Variants in ST3GAL2 observed in about 807,000 individuals in gnomAD.
ST3GAL2 encodes ST3 beta-galactoside alpha-2,3-sialyltransferase 2, also known as CMP-N-acetylneuraminate-beta-galactosamide-alpha-2,3-sialyltransferase 2.
In ST3GAL2, 16 loss-of-function variants were observed where a neutral mutation model predicts 37.5. The observed-to-expected ratio is 0.43, with a 90% CI of 0.29 to 0.65. The LOEUF (loss-of-function observed/expected upper bound fraction) is 0.65. Ranked by LOEUF, ST3GAL2 falls within the 30% of genes least tolerant of loss-of-function variation. ST3GAL2 has a pLI of 0.17. For synonymous variants in ST3GAL2, 238 were observed against 202.9 expected (o/e 1.17, Z -1.47); for missense variants, 383 against 487.8 (o/e 0.79, Z 2.02).
chr16:70,427,713 A>G (rs2047761442), intron 1 of ST3GAL2, among the ~76,000 whole-genome samples: 1 of 152,180 alleles, frequency 6.6e-6, no homozygotes, highest in African/African-American at 2.4e-5. Context: ...TGTAAGAGTC[A>G]TATGTGAGCC....
In ST3GAL2 at chr16:70,429,588, C is replaced by CAAAAAAAAAAAAAAAA. The variant is rs1173306093; in HGVS notation, c.-1004+9345_-1004+9360dup. ...TGGGCAACAGAGCAAGACTCTGTCT[C>CAAAAAAAAAAAAAAAA]AAAAAAAAAAAAAAAAAAAAGAGTG... is the stretch of plus-strand genomic sequence containing the variant. On this transcript the variant is annotated intron_variant, in intron 1 of 6. Coordinates refer to ENST00000342907, the MANE Select transcript of ST3GAL2 (RefSeq NM_006927.4). Among the ~76,000 whole-genome samples the CAAAAAAAAAAAAAAAA allele has an allele frequency of 7.5e-4, 27 of 36,060 alleles. 3 individuals are homozygous for CAAAAAAAAAAAAAAAA. Among genetic ancestry groups the CAAAAAAAAAAAAAAAA allele is most frequent in the African/African-American group, 2.5e-3 (26 of 10,402 alleles). The allele number at this position is 36,060 out of a possible 152,430, so 23.7% of individuals were successfully genotyped here.
At chr16:70,383,356 G>C in intron 4 of ST3GAL2, 121 bp from the exon 5 acceptor site, 1 of 871,820 alleles carries the variant, frequency 1.1e-6, no homozygotes, top group Non-Finnish European at 1.7e-6. Flanking sequence ...TTCGAGGCCA[G>C]CCGGATCACC....
At chr16:70,420,081 A>C (rs1221485663) in intron 1 of ST3GAL2, among the ~76,000 whole-genome samples, 5 of 142,658 alleles carry the variant, frequency 3.5e-5, no homozygotes, top group African/African-American at 1.3e-4. Context: ...AGCTAGAGTG[A>C]AATGGCATGA....
intron 1 of ST3GAL2, among the ~76,000 whole-genome samples, chr16:70,412,138 A>C (rs1046779072): frequency 1.3e-5 from 2 of 152,186 alleles, no homozygotes; most frequent in Admixed American, 1.3e-4. Context: ...CTTTCAGCAA[A>C]GGTCTGTAGG....
chr16:70,407,202 G>C (rs931212294), intron 1 of ST3GAL2, among the ~76,000 whole-genome samples: 1 of 150,564 alleles, frequency 6.6e-6, no homozygotes, highest in Non-Finnish European at 1.5e-5. Context: ...GTGCAGTGGC[G>C]CAATATTGGC....
In ST3GAL2 at chr16:70,381,599, C is replaced by T. The variant is rs993945430; in HGVS notation, c.*90G>A. 3 of 1,492,224 alleles carry T rather than the reference C, an allele frequency of 2.0e-6. No individual in the cohort carries two copies. Among genetic ancestry groups the T allele is most frequent in the African/African-American group, 2.8e-5 (2 of 72,312 alleles). The allele number at this position is 1,492,224 out of a possible 1,614,324, so 92.4% of individuals were successfully genotyped here. A position where few individuals can be genotyped will look rare whatever the true frequency, so the allele number is the denominator to read the frequency against. On this transcript the variant is annotated 3_prime_UTR_variant, in exon 7 of 7. Coordinates refer to ENST00000342907, the MANE Select transcript of ST3GAL2 (RefSeq NM_006927.4). ...CACAGCAGACGCCCCTGGGCTGCAG[C>T]ATGATTGGTCGCGGGTTGCTGGTCC...
At chr16:70,401,401 G>T (rs945685309) in intron 1 of ST3GAL2, among the ~76,000 whole-genome samples, 3 of 150,650 alleles carry the variant, frequency 2.0e-5, no homozygotes, top group African/African-American at 7.5e-5. Context: ...GTAGAGGAAA[G>T]AGCAGAGAAG....
intron 3 of ST3GAL2, among the ~76,000 whole-genome samples, chr16:70,391,309 C>G (rs2047480754): frequency 6.6e-6 from 1 of 152,204 alleles, no homozygotes; most frequent in Admixed American, 6.5e-5. Flanking sequence ...TAGCTGGCTT[C>G]AAGCAGATGC....
At chr16:70,389,565 A>G (rs1465479144) in intron 3 of ST3GAL2, among the ~76,000 whole-genome samples, 1 of 150,082 alleles carries the variant, frequency 6.7e-6, no homozygotes, top group Non-Finnish European at 1.5e-5. Context: ...CCTGGGTTCA[A>G]GGGATTCTCC....
At chr16:70,412,600 C>T (rs905123917) in intron 1 of ST3GAL2, among the ~76,000 whole-genome samples, 2 of 152,178 alleles carry the variant, frequency 1.3e-5, no homozygotes, top group Non-Finnish European at 2.9e-5. Flanking sequence ...ACCGTGATTA[C>T]GCCACTGCCG....
intron 1 of ST3GAL2, among the ~76,000 whole-genome samples, chr16:70,421,663 G>A (rs2047715607): frequency 6.6e-6 from 1 of 152,140 alleles, no homozygotes; most frequent in South Asian, 2.1e-4. Flanking sequence ...TGAGGAGGTG[G>A]GGCCCAGGGC....
rs1447303449 is a variant in ST3GAL2 at position 70,381,249 on chromosome 16, C to T, written c.*440G>A. 1 of 165,434 alleles carries T rather than the reference C, an allele frequency of 6.0e-6. No homozygotes were observed. The highest frequency in any genetic ancestry group is 2.4e-5 in the African/African-American group (1 of 41,610). The allele number at this position is 165,434 out of a possible 1,614,324, so 10.2% of individuals were successfully genotyped here. Reference sequence around the variant, plus strand: ...GGGCGGCCACCTATCTCCTGAGGCCCGCAAAGACCGCCCGCTCTCCTCCAG... The same window carrying T: ...GGGCGGCCACCTATCTCCTGAGGCCTGCAAAGACCGCCCGCTCTCCTCCAG... On this transcript the variant is annotated 3_prime_UTR_variant, in exon 7 of 7. Transcript: ENST00000342907.
At chr16:70,403,134 CAGGTGGTGG>C (rs112488251) in intron 1 of ST3GAL2, among the ~76,000 whole-genome samples, 13,127 of 151,950 alleles carry the variant, frequency 0.086, 1,879 homozygotes, top group African/African-American at 0.3. Context: ...TGCAATATCC[CAGGTGGTGG>C]AGGTGGTGAG....
At position 70,381,490 on chromosome 16, in the gene ST3GAL2, G is replaced by A. The variant is rs1597552449; in HGVS notation, c.*199C>T. ...AAGTTTTCCTTGAGTCACATGATTG[G>A]CTGGGAGAAACAGAAGCTCCGCCCG... On this transcript the variant is annotated 3_prime_UTR_variant, in exon 7 of 7. Transcript: ENST00000342907. 1.6e-6 allele frequency: 1 copy of A among 634,216 alleles called. No individual in the cohort carries two copies. The highest frequency in any genetic ancestry group is 2.7e-6 in the Non-Finnish European group (1 of 373,406). The allele number at this position is 634,216 out of a possible 1,614,324, so 39.3% of individuals were successfully genotyped here.
intron 1 of ST3GAL2, among the ~76,000 whole-genome samples, chr16:70,413,769 A>C (rs2047656368): frequency 1.3e-5 from 2 of 150,830 alleles, no homozygotes; most frequent in Non-Finnish European, 3.0e-5. Context: ...TAAATAAATA[A>C]ATAAATAAAT....
At chr16:70,385,075 GCGGGCAGAT>G (rs1191819739) in intron 4 of ST3GAL2, among the ~76,000 whole-genome samples, 1 of 152,134 alleles carries the variant, frequency 6.6e-6, no homozygotes, top group Non-Finnish European at 1.5e-5. Flanking sequence ...GGAGGCTGAG[GCGGGCAGAT>G]CACAAGGTCA....
chr16:70,416,790 G>C (rs1158550475), intron 1 of ST3GAL2, among the ~76,000 whole-genome samples: 1 of 152,070 alleles, frequency 6.6e-6, no homozygotes, highest in Non-Finnish European at 1.5e-5. Context: ...ATCTGAGCCT[G>C]TGGGAAAGGG....
chr16:70,388,265 C>A (rs1361823967), intron 4 of ST3GAL2, 102 bp downstream of exon 4: 2 of 1,514,030 alleles, frequency 1.3e-6, no homozygotes, highest in Non-Finnish European at 1.8e-6. Context: ...CCCCTCTTGG[C>A]CAAAATGTTC....
chr16:70,437,250 CCCACACAG>C (rs2047831373), intron 1 of ST3GAL2, among the ~76,000 whole-genome samples: 1 of 152,244 alleles, frequency 6.6e-6, no homozygotes, highest in Admixed American at 6.5e-5. Context: ...GACATAAACA[CCCACACAG>C]ACAGTTGGCC....
Sources: gnomAD v4.1 joint callset for allele counts (sites outside exome capture counted in the v4.1 genomes callset) on GRCh38, gnomAD v4.1.1 for gene constraint, MANE v1.5 for transcripts, NCBI Gene and HGNC (gene_info 2026-07-23, HGNC 2026-07-21) for gene names.